The following MUC12 variants were observed in gnomAD, a reference collection of about 807,000 sequenced individuals.
The protein encoded by MUC12 is mucin 12, cell surface associated.
In MUC12, 172 loss-of-function variants were observed where a neutral mutation model predicts 230.8. The ratio of observed to expected loss-of-function variants is 0.75; its 90% CI spans 0.66 to 0.85. The LOEUF is 0.85. Ranked by LOEUF, MUC12 falls within the 40% of genes least tolerant of loss-of-function variation. The pLI, the probability that MUC12 is intolerant of heterozygous loss-of-function variation, is 0.00. For synonymous variants in MUC12, 1,259 were observed against 2,401.9 expected (o/e 0.52, Z 13.91); for missense variants, 3,506 against 5,920.6 (o/e 0.59, Z 13.38).
intron 1 of MUC12, 197 bp from the exon 2 acceptor site, chr7:100,990,434 T>A (rs1205629313): frequency 3.0e-6 from 2 of 664,576 alleles, no homozygotes; most frequent in Non-Finnish European, 5.1e-6. Context: ...GGACTGCTAG[T>A]CTACACCATC....
At chr7:100,984,657 T>C (rs12530867) in intron 1 of MUC12, among the ~76,000 whole-genome samples, 14,580 of 152,212 alleles carry the variant, frequency 0.096, 1,147 homozygotes, top group Admixed American at 0.27. Context: ...AGGTGTGTCA[T>C]TTAGTTACTT....
At position 101,004,629 on chromosome 7, in the gene MUC12, G is replaced by T; in HGVS notation, c.14066G>T (p.Ser4689Ile). ...RSEESTASHSSPDTNGITPLP... is the reference protein window; with the variant it reads ...RSEESTASHSIPDTNGITPLP... ...GAGGAATCAACAGCATCCCACAGCAGCCCAGATACAAATGGAATCACACCC... is the reference window on the plus strand; with the variant it reads ...GAGGAATCAACAGCATCCCACAGCATCCCAGATACAAATGGAATCACACCC... The change falls in exon 2 of 12, where the codon AGC becomes ATC. Residue 4689 changes from serine to isoleucine, a missense_variant. Physicochemically the swap from Ser to Ile is moderately radical, Grantham distance 142. Transcript: ENST00000536621. The T allele has an allele frequency of 3.3e-6, 5 of 1,537,282 alleles. No homozygotes were observed. The highest frequency in any genetic ancestry group is 3.5e-6 in the Non-Finnish European group (4 of 1,146,564).
At chr7:101,012,521 G>A (rs779612976) in intron 6 of MUC12, 74 bp downstream of exon 6, 169 of 1,440,840 alleles carry the variant, frequency 1.2e-4, no homozygotes, top group Non-Finnish European at 1.4e-4. Context: ...CCTCCTCTAC[G>A]TCTTCTTTCT....
In MUC12 at chr7:100,993,312, A is replaced by G. The variant is rs1338343281; in HGVS notation, c.2749A>G (p.Thr917Ala). Residue 917 changes from threonine to alanine, a missense_variant, in exon 2 of 12, where the codon ACT becomes GCT. Physicochemically the swap from Thr to Ala is moderately conservative, Grantham distance 58. Coordinates refer to ENST00000536621, the MANE Select transcript of MUC12 (RefSeq NM_001164462.2). ...STTSHSSSGS[T>A]DTALSPGSTT... Reference sequence around the variant, plus strand: ...AACTTCCCACAGCAGCTCAGGTTCAACTGACACAGCACTGTCCCCTGGCAG... The same window carrying G: ...AACTTCCCACAGCAGCTCAGGTTCAGCTGACACAGCACTGTCCCCTGGCAG... The G allele has an allele frequency of 4.3e-6, 4 of 930,738 alleles. 1 individual carries two copies. The South Asian group carries it at 6.1e-5, about 14-fold the overall frequency. The allele number at this position is 930,738 out of a possible 1,614,324, so 57.7% of individuals were successfully genotyped here.
chr7:100,978,950 C>T (rs546571765), intron 1 of MUC12, among the ~76,000 whole-genome samples: 17 of 152,326 alleles, frequency 1.1e-4, no homozygotes, highest in African/African-American at 4.1e-4. Flanking sequence ...GCTGGGACTA[C>T]AGATGTGCAC....
intron 1 of MUC12, among the ~76,000 whole-genome samples, chr7:100,970,611 C>T (rs1319157224): frequency 2.0e-5 from 3 of 152,076 alleles, no homozygotes; most frequent in Non-Finnish European, 2.9e-5. Context: ...TGCAGGGTCT[C>T]GCCTGCAATC....
Position 101,018,851 on chromosome 7 carries a change from C to T in MUC12, c.*215C>T. 2.0e-6 allele frequency: 1 copy of T among 489,832 alleles called. No homozygotes were observed. Among genetic ancestry groups the T allele is most frequent in the South Asian group, 4.0e-5 (1 of 24,902 alleles). The allele number at this position is 489,832 out of a possible 1,614,324, so 30.3% of individuals were successfully genotyped here. A position where few individuals can be genotyped will look rare whatever the true frequency, so the allele number is the denominator to read the frequency against. ...CTCTCCATCCGGGAGCTTCCAGACT[C>T]CCAGAAGCCTCGGCACCCCTGTCTC... On this transcript the variant is annotated 3_prime_UTR_variant, in exon 12 of 12. Transcript: ENST00000536621.
chr7:100,985,356 G>A (rs946988258), intron 1 of MUC12, among the ~76,000 whole-genome samples: 1 of 152,186 alleles, frequency 6.6e-6, no homozygotes, highest in Non-Finnish European at 1.5e-5. Context: ...CAAGTGCGGG[G>A]TCTGCAAAAT....
chr7:100,990,730 T>A lies in MUC12; in HGVS notation c.167T>A (p.Val56Asp), dbSNP rs989135173. 6.5e-7 allele frequency: 1 copy of A among 1,537,830 alleles called. No homozygotes were observed. Among genetic ancestry groups the A allele is most frequent in the Admixed American group, 2.0e-5 (1 of 50,996 alleles). The change falls in exon 2 of 12, where the codon GTC (valine) becomes GAC (aspartate). Residue 56 changes from valine to aspartate, a missense_variant. Transcript: ENST00000536621. ...FTTFSDYGVS[V>D]TFITGSTATK... ...ACCTTTAGTGACTATGGGGTGTCAG[T>A]CACATTTATCACGGGCTCAACTGCA...
intron 1 of MUC12, among the ~76,000 whole-genome samples, chr7:100,970,821 C>T (rs940791492): frequency 6.6e-6 from 1 of 152,012 alleles, no homozygotes; most frequent in East Asian, 1.9e-4. Flanking sequence ...CACGGTGAAA[C>T]CCCATCTCTA....
intron 5 of MUC12, among the ~76,000 whole-genome samples, chr7:101,011,642 G>C (rs1176367146): frequency 1.3e-5 from 2 of 151,918 alleles, no homozygotes; most frequent in African/African-American, 2.4e-5. Flanking sequence ...GGCTGGTCTT[G>C]AACTCCTGGC....
At chr7:100,969,795 T>G in intron 1 of MUC12, 106 bp downstream of exon 1, 1 of 1,470,306 alleles carries the variant, frequency 6.8e-7, no homozygotes. Flanking sequence ...CCCCTTTGCA[T>G]GGCAAGGGGC....
intron 3 of MUC12, among the ~76,000 whole-genome samples, chr7:101,007,276 A>T (rs910371036): frequency 6.6e-6 from 1 of 152,144 alleles, no homozygotes; most frequent in African/African-American, 2.4e-5. Flanking sequence ...TTGTTTTTAA[A>T]TGTTCAATTA....
At chr7:100,982,695 C>T (rs1291710870) in intron 1 of MUC12, among the ~76,000 whole-genome samples, 1 of 152,028 alleles carries the variant, frequency 6.6e-6, no homozygotes, top group Non-Finnish European at 1.5e-5. Context: ...TCCCAAAGTG[C>T]TGGGATTACA....
chr7:101,008,557 A>G (rs1793791618), intron 3 of MUC12, 77 bp from the exon 4 acceptor site: 1 of 1,464,702 alleles, frequency 6.8e-7, no homozygotes, highest in South Asian at 1.4e-5. Context: ...AGACACCCAC[A>G]GGCAGAGAAT....
chr7:100,991,196 T>C lies in MUC12; in HGVS notation c.633T>C (p.Thr211=), dbSNP rs1472841572. The part of the protein sequence containing the change: ...GSTDTTLSPG[T]TTPSSLGPES... ...CAGACACAACACTGTCCCCTGGCACTACCACACCATCATCCCTTGGTCCAG... is the reference window on the plus strand; with the variant it reads ...CAGACACAACACTGTCCCCTGGCACCACCACACCATCATCCCTTGGTCCAG... Residue 211 remains threonine, a synonymous_variant, in exon 2 of 12, where the codon ACT becomes ACC. Coordinates refer to ENST00000536621, the MANE Select transcript of MUC12 (RefSeq NM_001164462.2). 2.0e-6 allele frequency: 3 copies of C among 1,537,074 alleles called. No homozygotes were observed. The highest frequency in any genetic ancestry group is 8.7e-7 in the Non-Finnish European group (1 of 1,146,766).
At chr7:101,006,010 C>T (rs1793743249) in intron 2 of MUC12, among the ~76,000 whole-genome samples, 1 of 152,058 alleles carries the variant, frequency 6.6e-6, no homozygotes, top group Non-Finnish European at 1.5e-5. Flanking sequence ...GTTGACCAAG[C>T]TAGTCTCAAA....
chr7:100,973,067 C>T, intron 1 of MUC12: 1 of 611,788 alleles, frequency 1.6e-6, no homozygotes, highest in Non-Finnish European at 2.9e-6. Context: ...ATGACAGGAG[C>T]AGTAAGACCA....
At chr7:101,012,192 G>C in intron 5 of MUC12, 104 bp from the exon 6 acceptor site, 1 of 1,260,804 alleles carries the variant, frequency 7.9e-7, no homozygotes, top group East Asian at 2.5e-5. Flanking sequence ...CTCACCTCTG[G>C]GTCACATGGC....
Sources: allele counts gnomAD v4.1 joint callset (sites outside exome capture counted in the v4.1 genomes callset), GRCh38; gene constraint gnomAD v4.1.1; transcripts MANE v1.5; gene names NCBI Gene and HGNC (gene_info 2026-07-23, HGNC 2026-07-21).